ITGB6: variants seen among roughly 807,000 people sequenced by gnomAD.
ITGB6 encodes integrin subunit beta 6, also known as integrin beta-6.
A neutral mutation model predicts 84.5 loss-of-function variants in ITGB6; 80 were observed. The observed-to-expected ratio is 0.95, with a 90% CI of 0.79 to 1.14. The LOEUF (loss-of-function observed/expected upper bound fraction) is 1.14. ITGB6 is among the 50% of genes most tolerant of loss of function. ITGB6 has a pLI of 0.00. For missense variants in ITGB6, 1,006 were observed against 968.0 expected (o/e 1.04, Z -0.52); for synonymous variants, 383 against 354.9 (o/e 1.08, Z -0.89).
chr2:160,181,766 T>A (rs946053961), intron 4 of ITGB6, among the ~76,000 whole-genome samples: 5 of 152,194 alleles, frequency 3.3e-5, no homozygotes, highest in African/African-American at 1.2e-4. Flanking sequence ...CGGGTGCCCC[T>A]CTGGGCCAAA....
At chr2:160,186,792 A>G (rs975682296) in intron 4 of ITGB6, among the ~76,000 whole-genome samples, 5 of 152,254 alleles carry the variant, frequency 3.3e-5, no homozygotes, top group African/African-American at 1.2e-4. Context: ...GTCATAAAAA[A>G]GGATGAGTTC....
At chr2:160,191,939 A>G (rs1018837433) in intron 4 of ITGB6, among the ~76,000 whole-genome samples, 5 of 152,192 alleles carry the variant, frequency 3.3e-5, no homozygotes, top group African/African-American at 1.2e-4. Context: ...CAAGATATCT[A>G]CCCTGAAAAT....
chr2:160,164,918 A>G (rs902621770), intron 7 of ITGB6, among the ~76,000 whole-genome samples: 1 of 152,164 alleles, frequency 6.6e-6, no homozygotes, highest in African/African-American at 2.4e-5. Context: ...TCTGACTGAT[A>G]ATCTGAGGAC....
At chr2:160,118,044 T>C (rs1682863299) in intron 12 of ITGB6, among the ~76,000 whole-genome samples, 1 of 151,952 alleles carries the variant, frequency 6.6e-6, no homozygotes, top group African/African-American at 2.4e-5. Context: ...CCAAAAAAAG[T>C]CCAGGACCAG....
At chr2:160,123,633 T>C (rs1020073265) in intron 12 of ITGB6, among the ~76,000 whole-genome samples, 158 bp downstream of exon 12, 2 of 152,190 alleles carry the variant, frequency 1.3e-5, no homozygotes, top group Admixed American at 6.5e-5. Flanking sequence ...TCTAGTCTTA[T>C]AGGATGCATT....
chr2:160,145,558 A>G (rs1033743868), intron 7 of ITGB6, among the ~76,000 whole-genome samples: 2 of 152,222 alleles, frequency 1.3e-5, no homozygotes, highest in Non-Finnish European at 2.9e-5. Context: ...AGAGCTATTT[A>G]GCAGGCAGAT....
chr2:160,119,033 A>G (rs2105790646), intron 12 of ITGB6, among the ~76,000 whole-genome samples: 1 of 152,312 alleles, frequency 6.6e-6, no homozygotes, highest in South Asian at 2.1e-4. Context: ...AACAAATGGA[A>G]GAACATTCCA....
chr2:160,108,778 T>C (rs1224999581), intron 13 of ITGB6, among the ~76,000 whole-genome samples: 3 of 152,252 alleles, frequency 2.0e-5, no homozygotes, highest in Non-Finnish European at 4.4e-5. Context: ...GAATATTCTA[T>C]GAAATGTTAT....
chr2:160,135,607 G>A (rs1274561461), intron 10 of ITGB6, among the ~76,000 whole-genome samples: 2 of 151,634 alleles, frequency 1.3e-5, no homozygotes, highest in African/African-American at 4.9e-5. Flanking sequence ...TCAATCCTAA[G>A]CCAAAAGAAC....
intron 7 of ITGB6, among the ~76,000 whole-genome samples, chr2:160,158,148 T>G (rs2105848464): frequency 6.6e-6 from 1 of 152,304 alleles, no homozygotes. Flanking sequence ...CTTTCGATTG[T>G]CAGCATTCCA....
intron 4 of ITGB6, among the ~76,000 whole-genome samples, chr2:160,191,051 T>C (rs1686121295): frequency 6.6e-6 from 1 of 152,174 alleles, no homozygotes; most frequent in African/African-American, 2.4e-5. Context: ...TTTATTCAGG[T>C]ATAATATTCT....
intron 4 of ITGB6, among the ~76,000 whole-genome samples, chr2:160,189,338 C>T (rs1352822447): frequency 6.6e-6 from 1 of 152,060 alleles, no homozygotes; most frequent in Non-Finnish European, 1.5e-5. Context: ...GCAACAAAAG[C>T]CAAAATTGAC....
intron 7 of ITGB6, among the ~76,000 whole-genome samples, chr2:160,161,208 G>C (rs886885784): frequency 6.6e-6 from 1 of 152,068 alleles, no homozygotes; most frequent in African/African-American, 2.4e-5. Context: ...GAATTTTGTA[G>C]GATGATCTTG....
chr2:160,153,507 C>T (rs1183602630), intron 7 of ITGB6, among the ~76,000 whole-genome samples: 1 of 152,142 alleles, frequency 6.6e-6, no homozygotes, highest in Non-Finnish European at 1.5e-5. Context: ...CTAGGCAATA[C>T]CATTCAGGAC....
Position 160,101,241 on chromosome 2 carries a change from T to G in ITGB6, c.*495A>C, listed in dbSNP as rs1226256718. The G allele has an allele frequency of 6.5e-6, 1 of 153,640 alleles. No individual in the cohort carries two copies. The highest frequency in any genetic ancestry group is 1.4e-5 in the Non-Finnish European group (1 of 69,190). 9.5% of individuals were successfully genotyped at this position (153,640 alleles called of 1,614,324 possible). A position where few individuals can be genotyped will look rare whatever the true frequency, so the allele number is the denominator to read the frequency against. On this transcript the variant is annotated 3_prime_UTR_variant, in exon 15 of 15. Transcript: ENST00000283249. ...TTCAGAAGAATTGCAACCTTTTAGCTGAAATAAACTCAGAATCTCATTTCT... is the reference window on the plus strand; with the variant it reads ...TTCAGAAGAATTGCAACCTTTTAGCGGAAATAAACTCAGAATCTCATTTCT...
intron 4 of ITGB6, among the ~76,000 whole-genome samples, chr2:160,190,084 C>G (rs1382340044): frequency 6.6e-6 from 1 of 151,830 alleles, no homozygotes; most frequent in Non-Finnish European, 1.5e-5. Flanking sequence ...AACCATCATT[C>G]TCAGCAAACT....
chr2:160,168,284 C>T (rs1339620145), intron 7 of ITGB6, among the ~76,000 whole-genome samples: 1 of 152,166 alleles, frequency 6.6e-6, no homozygotes, highest in Non-Finnish European at 1.5e-5. Flanking sequence ...TAGTGAGTGG[C>T]ATTTAATCAA....
chr2:160,113,485 G>C (rs987093909), intron 12 of ITGB6, among the ~76,000 whole-genome samples: 1 of 152,156 alleles, frequency 6.6e-6, no homozygotes, highest in Non-Finnish European at 1.5e-5. Context: ...ATAAAATTTC[G>C]GATGATAGAT....
At chr2:160,135,057 C>A (rs1278064119) in intron 10 of ITGB6, among the ~76,000 whole-genome samples, 1 of 152,036 alleles carries the variant, frequency 6.6e-6, no homozygotes, top group Non-Finnish European at 1.5e-5. Flanking sequence ...CTGGTCAGGG[C>A]AATCAGGCAG....
Sources: gnomAD v4.1 joint callset for allele counts (sites outside exome capture counted in the v4.1 genomes callset) on GRCh38, gnomAD v4.1.1 for gene constraint, MANE v1.5 for transcripts, NCBI Gene and HGNC (gene_info 2026-07-23, HGNC 2026-07-21) for gene names.